MGST1: variants seen among roughly 807,000 people sequenced by gnomAD.
MGST1 encodes glutathione S-transferase 12.
MGST1 carries 5 observed loss-of-function variants against 8.9 expected under a neutral mutation model. The observed-to-expected ratio is 0.56, with a 90% CI of 0.29 to 1.19. The LOEUF is 1.19. MGST1 is among the 50% of genes most tolerant of loss of function. MGST1 has a pLI of 0.08. For missense variants in MGST1, 182 were observed against 187.4 expected, an observed-to-expected ratio of 0.97 and a Z score of 0.17; for synonymous variants, 54 against 67.8, an observed-to-expected ratio of 0.80 and a Z score of 1.00.
At chr12:16,514,161 G>T in intron 4 of MGST1, 1 of 351,724 alleles carries the variant, frequency 2.8e-6, no homozygotes, top group Non-Finnish European at 5.5e-6. Context: ...GGATGCCTGG[G>T]CTGTGCGCCA....
At position 16,352,121 on chromosome 12, in the gene MGST1, C is replaced by A. The variant is rs150142715; in HGVS notation, c.-22-2110C>A. On this transcript the variant is annotated intron_variant, in intron 1 of 3. Transcript: ENST00000396210. ...GCTTAACAACTCTAATTCCCTTTTTCTTCTTTTGTGAAATGGGTATAGTTA... is the reference window on the plus strand; with the variant it reads ...GCTTAACAACTCTAATTCCCTTTTTATTCTTTTGTGAAATGGGTATAGTTA... 1.8e-4 allele frequency among the ~76,000 whole-genome samples: 28 copies of A among 152,262 alleles called. No homozygotes were observed. In the East Asian group the frequency reaches 5.2e-3, roughly 28 times the overall value.
In MGST1 at chr12:16,544,264, A is replaced by AC. The variant is rs1555110769; in HGVS notation, n.483-45264_483-45263insC. ...CACACACACACACACACACACACAC[A>AC]AAACATAACCTACTAGTCAATCTGC... On this transcript the variant is annotated intron_variant and non_coding_transcript_variant, in intron 4 of 4. Coordinates refer to the MGST1 transcript ENST00000538857. This position sits in a 1 kb window ranked among gnomAD's most constrained non-coding sequence, Gnocchi z 4.8. Among the ~76,000 whole-genome samples, 9 of 149,962 alleles carry AC rather than the reference A, an allele frequency of 6.0e-5. No homozygotes were observed. Among genetic ancestry groups the AC allele is most frequent in the African/African-American group, 1.2e-4 (5 of 40,628 alleles).
intron 1 of MGST1, among the ~76,000 whole-genome samples, chr12:16,432,457 T>C (rs1267516781): frequency 1.3e-5 from 2 of 152,006 alleles, no homozygotes; most frequent in Non-Finnish European, 2.9e-5. Flanking sequence ...TAAACTCTCA[T>C]CTAGTTTTTA....
intron 1 of MGST1, among the ~76,000 whole-genome samples, chr12:16,409,579 G>A (rs1940726025): frequency 6.6e-6 from 1 of 152,098 alleles, no homozygotes; most frequent in African/African-American, 2.4e-5. Flanking sequence ...GGAAGAGAGG[G>A]AAGAAGAACT....
chr12:16,360,122 G>A (rs1351870082), intron 3 of MGST1, among the ~76,000 whole-genome samples: 1 of 152,182 alleles, frequency 6.6e-6, no homozygotes, highest in South Asian at 2.1e-4. Flanking sequence ...TGAGAGAAGA[G>A]CGTCTCCAAC....
chr12:16,461,180 G>GAAA (rs35831625), intron 4 of MGST1, among the ~76,000 whole-genome samples: 4 of 145,734 alleles, frequency 2.7e-5, no homozygotes, highest in South Asian at 2.1e-4. Flanking sequence ...ATGCCCAAAG[G>GAAA]AAAAAAAAAA....
At chr12:16,473,146 CCTCT>C (rs1941298878) in intron 4 of MGST1, among the ~76,000 whole-genome samples, 2 of 152,092 alleles carry the variant, frequency 1.3e-5, no homozygotes, top group Non-Finnish European at 2.9e-5. Context: ...TTAAGATATC[CCTCT>C]ATCTCCATAG....
chr12:16,552,514 G>C (rs1037982404), intron 4 of MGST1, among the ~76,000 whole-genome samples: 2 of 152,010 alleles, frequency 1.3e-5, no homozygotes, highest in African/African-American at 2.4e-5. Context: ...GACAAACAGT[G>C]AACCTATTTT....
chr12:16,462,532 T>C (rs1444360882), intron 4 of MGST1, among the ~76,000 whole-genome samples: 1 of 126,238 alleles, frequency 7.9e-6, no homozygotes, highest in Non-Finnish European at 1.7e-5. Context: ...TTAAGGTTCA[T>C]TAAAAGATGC....
chr12:16,574,872 T>C (rs1565494952), intron 4 of MGST1, among the ~76,000 whole-genome samples: 1 of 152,140 alleles, frequency 6.6e-6, no homozygotes, highest in Non-Finnish European at 1.5e-5. Flanking sequence ...TAAGATCTCA[T>C]AGTCATTAAC....
chr12:16,563,959 G>A (rs1284336493), intron 4 of MGST1, among the ~76,000 whole-genome samples: 1 of 152,022 alleles, frequency 6.6e-6, no homozygotes, highest in Non-Finnish European at 1.5e-5. Context: ...TATGTTCATA[G>A]TAGGCCTTAA....
Position 16,470,997 on chromosome 12 carries a change from C to T in MGST1, n.482+87393C>T, listed in dbSNP as rs1941286943. Among the ~76,000 whole-genome samples, 2 of 152,210 alleles carry T rather than the reference C, an allele frequency of 1.3e-5. 1 individual carries two copies. Among genetic ancestry groups the T allele is most frequent in the South Asian group, 4.1e-4 (2 of 4,830 alleles). ...AAGTACCAGCATAAACATCTGCCATCTGGCATAGAAATTACTTCATATGGC... is the reference window on the plus strand; with the variant it reads ...AAGTACCAGCATAAACATCTGCCATTTGGCATAGAAATTACTTCATATGGC... On this transcript the variant is annotated intron_variant and non_coding_transcript_variant, in intron 4 of 4. Coordinates refer to the MGST1 transcript ENST00000538857.
chr12:16,475,502 A>G (rs1218308363), intron 4 of MGST1, among the ~76,000 whole-genome samples: 1 of 152,244 alleles, frequency 6.6e-6, no homozygotes, highest in African/African-American at 2.4e-5. Flanking sequence ...TTTCTTTGTT[A>G]ACGGCAATAC....
intron 4 of MGST1, among the ~76,000 whole-genome samples, chr12:16,532,323 G>C (rs921569425): frequency 7.9e-5 from 12 of 152,040 alleles, no homozygotes; most frequent in Admixed American, 7.9e-4. Context: ...GGCCAGTCCT[G>C]CTAAGTTGTT....
At chr12:16,378,179 T>C (rs1193987178), downstream of MGST1, among the ~76,000 whole-genome samples, 3 of 152,314 alleles carry the variant, frequency 2.0e-5, no homozygotes, top group East Asian at 5.8e-4. Context: ...TTTTGGCTTT[T>C]GTTGCCATTG....
chr12:16,354,095 C>A, intron 1 of MGST1, 136 bp from the exon 2 acceptor site: 1 of 684,052 alleles, frequency 1.5e-6, no homozygotes, highest in South Asian at 2.6e-5. Context: ...ACTAAACAAT[C>A]ATTTCTTCTG....
At chr12:16,433,460 A>G (rs962395099) in intron 1 of MGST1, among the ~76,000 whole-genome samples, 1 of 152,082 alleles carries the variant, frequency 6.6e-6, no homozygotes, top group Non-Finnish European at 1.5e-5. Flanking sequence ...GGAAGAGCTC[A>G]TGTTTCAGTT....
chr12:16,455,226 T>A (rs1941163558), intron 4 of MGST1, among the ~76,000 whole-genome samples: 1 of 151,942 alleles, frequency 6.6e-6, no homozygotes, highest in African/African-American at 2.4e-5. Flanking sequence ...GAGCACTTGC[T>A]ATGTTTCAGG....
chr12:16,445,663 CAGGTACCTG>C (rs2137107547), intron 4 of MGST1, among the ~76,000 whole-genome samples: 1 of 151,972 alleles, frequency 6.6e-6, no homozygotes, highest in East Asian at 2.0e-4. Context: ...GCCTGCATGC[CAGGTACCTG>C]AGGTCATTTT....
Sources: allele counts gnomAD v4.1 joint callset (sites outside exome capture counted in the v4.1 genomes callset), GRCh38; gene constraint gnomAD v4.1.1; non-coding constraint Gnocchi (gnomAD v3.1); transcripts MANE v1.5; gene names NCBI Gene and HGNC (gene_info 2026-07-23, HGNC 2026-07-21).